NOMO2: variants seen among roughly 807,000 people sequenced by gnomAD.
NOMO2 encodes the protein BOS complex subunit NOMO2.
A neutral mutation model predicts 67.1 loss-of-function variants in NOMO2; 14 were observed. The ratio of observed to expected loss-of-function variants is 0.21; its 90% confidence interval spans 0.14 to 0.33. The LOEUF (loss-of-function observed/expected upper bound fraction) is 0.33. NOMO2 is among the 10% of genes least tolerant of loss of function. The pLI, the probability that NOMO2 is intolerant of heterozygous loss-of-function variation, is 1.00. For synonymous variants in NOMO2, 80 were observed against 305.9 expected (o/e 0.26, Z 7.71); for missense variants, 178 against 761.0 (o/e 0.23, Z 9.01).
chr16:18,528,986 A>AT (rs1901221658), intron 15 of NOMO2, among the ~76,000 whole-genome samples: 1 of 89,838 alleles, frequency 1.1e-5, no homozygotes, highest in Non-Finnish European at 2.3e-5. Context: ...AAAAAAAAAA[A>AT]AAATACATAT....
intron 1 of NOMO2, among the ~76,000 whole-genome samples, chr16:18,559,159 C>T (rs1901981035): frequency 1.3e-5 from 2 of 151,840 alleles, no homozygotes; most frequent in African/African-American, 2.4e-5. Context: ...TGAGACCCTG[C>T]CTCAAAATAA....
chr16:18,561,967 C>A lies in NOMO2; in HGVS notation c.74G>T (p.Gly25Val). The A allele has an allele frequency of 3.2e-6, 5 of 1,568,542 alleles. No individual in the cohort carries two copies. The South Asian group carries it at 3.5e-5, about 11-fold the overall frequency. The change falls in exon 1 of 31, where the codon GGC becomes GTC. Residue 25 changes from glycine (G) to valine (V), a missense_variant. Coordinates refer to ENST00000622306, the MANE Select transcript of NOMO2 (RefSeq NM_173614.4). ...VTAAVVLLLS[G>V]VGPAHGSEDI... ...CTCCGAGCCGTGCGCCGGCCCCACG[C>A]CGCTCAGCAGCAGCACCACCGCGGC...
At chr16:18,556,713 T>C (rs1901912438) in intron 2 of NOMO2, among the ~76,000 whole-genome samples, 2 of 152,144 alleles carry the variant, frequency 1.3e-5, no homozygotes, top group Admixed American at 1.3e-4. Flanking sequence ...GAGGTGTTTG[T>C]GGATACATAT....
rs1157084452 is a variant in NOMO2 at position 18,539,806 on chromosome 16, C to T, written c.964-842G>A. ...CCTCCACCACCATCACTGGCTCACA[C>T]GTGGTCCCATGCTCCATGTGTCTGT... On this transcript the variant is annotated intron_variant, in intron 9 of 30. Transcript: ENST00000622306. 4.6e-5 allele frequency among the ~76,000 whole-genome samples: 7 copies of T among 152,116 alleles called. No homozygotes were observed. In the South Asian group the frequency reaches 1.3e-3, roughly 27 times the overall value.
chr16:18,535,736 G>C (rs1416370085), intron 11 of NOMO2, among the ~76,000 whole-genome samples: 1 of 151,786 alleles, frequency 6.6e-6, no homozygotes, highest in Admixed American at 6.6e-5. Flanking sequence ...CCACACAGCA[G>C]CCAGGAAGAA....
intron 5 of NOMO2, among the ~76,000 whole-genome samples, chr16:18,548,391 CT>C (rs1366211608): frequency 6.6e-6 from 1 of 151,304 alleles, no homozygotes; most frequent in African/African-American, 2.4e-5. Context: ...ACAATAATAA[CT>C]TTAAAATTGA....
chr16:18,548,647 A>G (rs1367042794), intron 5 of NOMO2, among the ~76,000 whole-genome samples: 3 of 152,144 alleles, frequency 2.0e-5, no homozygotes, highest in Admixed American at 6.5e-5. Context: ...TTGATATAAT[A>G]ATGATAATGA....
At chr16:18,536,588 C>T (rs1305249556) in intron 11 of NOMO2, among the ~76,000 whole-genome samples, 8 of 151,938 alleles carry the variant, frequency 5.3e-5, no homozygotes, top group Admixed American at 3.3e-4. Context: ...TGGGCTCAAG[C>T]GATCCACCCG....
chr16:18,537,053 ACT>A (rs2141729595), intron 11 of NOMO2, among the ~76,000 whole-genome samples: 1 of 151,966 alleles, frequency 6.6e-6, no homozygotes, highest in Non-Finnish European at 1.5e-5. Context: ...GCCACCTGGC[ACT>A]CTGTTTTTGG....
chr16:18,550,811 TAG>T (rs968814446), intron 4 of NOMO2, among the ~76,000 whole-genome samples: 2 of 152,028 alleles, frequency 1.3e-5, no homozygotes, highest in Non-Finnish European at 2.9e-5. Flanking sequence ...CCACAAGGCT[TAG>T]AGAGTGCGTC....
At chr16:18,537,114 C>CT (rs1901442280) in intron 11 of NOMO2, among the ~76,000 whole-genome samples, 1 of 152,074 alleles carries the variant, frequency 6.6e-6, no homozygotes, top group Admixed American at 6.6e-5. Context: ...GAGGTCCTGG[C>CT]TGCCACCTGC....
intron 2 of NOMO2, among the ~76,000 whole-genome samples, chr16:18,556,776 C>A (rs940208435): frequency 7.2e-5 from 11 of 151,910 alleles, no homozygotes; most frequent in Admixed American, 7.2e-4. Flanking sequence ...GCATGTGTAC[C>A]CGTGGATACC....
At chr16:18,528,418 A>T (rs924862596) in intron 15 of NOMO2, among the ~76,000 whole-genome samples, 1 of 152,016 alleles carries the variant, frequency 6.6e-6, no homozygotes, top group Non-Finnish European at 1.5e-5. Flanking sequence ...GTAATTAAGC[A>T]GTTAGGGGAG....
At chr16:18,551,733 CT>C (rs1474080307) in intron 3 of NOMO2, among the ~76,000 whole-genome samples, 194 bp from the exon 4 acceptor site, 2 of 148,352 alleles carry the variant, frequency 1.3e-5, no homozygotes, top group Non-Finnish European at 3.0e-5. Context: ...CCTCTCACCC[CT>C]ATCCCCCTAG....
chr16:18,559,554 C>A (rs978413922), intron 1 of NOMO2, among the ~76,000 whole-genome samples: 6 of 152,050 alleles, frequency 3.9e-5, no homozygotes, highest in African/African-American at 1.4e-4. Flanking sequence ...ATGTAAAGTT[C>A]TCTGAGGTCA....
chr16:18,559,126 A>C (rs1028967152), intron 1 of NOMO2, among the ~76,000 whole-genome samples: 33 of 151,856 alleles, frequency 2.2e-4, no homozygotes, highest in Non-Finnish European at 4.6e-4. Flanking sequence ...TGGTGCCACT[A>C]TACTCCAGCC....
chr16:18,538,497 G>A, intron 11 of NOMO2, 29 bp downstream of exon 11: 1 of 1,613,000 alleles, frequency 6.2e-7, no homozygotes, highest in South Asian at 1.1e-5. Context: ...ATATTTACTG[G>A]TGCTTCCAAA....
At chr16:18,540,254 G>A (rs1901520105) in intron 9 of NOMO2, among the ~76,000 whole-genome samples, 1 of 143,662 alleles carries the variant, frequency 7.0e-6, no homozygotes, top group African/African-American at 2.5e-5. Flanking sequence ...CACATGACAG[G>A]TAGTCCTTCC....
Position 18,529,357 on chromosome 16 carries a change from C to T in NOMO2, c.1806+144G>A, listed in dbSNP as rs543642843. Reference sequence around the variant, plus strand: ...AGAGTATAAATGCTTCCTGATTATGCGTTGCGTAACAGGTGGGCGAGTGGA... The same window carrying T: ...AGAGTATAAATGCTTCCTGATTATGTGTTGCGTAACAGGTGGGCGAGTGGA... On this transcript the variant is annotated intron_variant, in intron 15 of 30. Transcript: ENST00000622306. 1.2e-4 allele frequency: 189 copies of T among 1,560,182 alleles called. 5 individuals carry two copies. The South Asian group carries it at 1.9e-3, about 16-fold the overall frequency.
Sources: gnomAD v4.1 joint callset for allele counts (sites outside exome capture counted in the v4.1 genomes callset) on GRCh38, gnomAD v4.1.1 for gene constraint, MANE v1.5 for transcripts, NCBI Gene and HGNC (gene_info 2026-07-23, HGNC 2026-07-21) for gene names.